NRG3: variants seen among roughly 807,000 people sequenced by gnomAD.
NRG3 encodes the protein pro-neuregulin-3, membrane-bound isoform.
A neutral mutation model predicts 66.9 loss-of-function variants in NRG3; 31 were observed. The observed-to-expected ratio is 0.46, with a 90% CI of 0.35 to 0.63. The LOEUF (loss-of-function observed/expected upper bound fraction) is 0.63. Ranked by LOEUF, NRG3 falls within the 20% of genes least tolerant of loss-of-function variation. The probability of loss-of-function intolerance (pLI) is 0.00; values close to 1 mark genes in which losing one functional copy is unlikely to be tolerated. For synonymous variants in NRG3, 393 were observed against 359.4 expected (o/e 1.09, Z -1.06); for missense variants, 910 against 878.9 (o/e 1.04, Z -0.45).
chr10:81,892,732 C>T (rs1027919093), intron 1 of NRG3, among the ~76,000 whole-genome samples: 3 of 151,960 alleles, frequency 2.0e-5, no homozygotes, highest in Non-Finnish European at 2.9e-5. Flanking sequence ...ATAGAAAGAA[C>T]GAGTAAGAGC....
chr10:82,892,578 A>G (rs2136131307), intron 4 of NRG3, among the ~76,000 whole-genome samples: 1 of 152,142 alleles, frequency 6.6e-6, no homozygotes, highest in South Asian at 2.1e-4. Flanking sequence ...AGGTGGAAAG[A>G]TTGCTTGAAC....
At chr10:82,502,104 T>A (rs79609752) in intron 2 of NRG3, among the ~76,000 whole-genome samples, 2,754 of 152,320 alleles carry the variant, frequency 0.018, 101 homozygotes, top group African/African-American at 0.063. Context: ...TAAGCATATG[T>A]CAAGAAATAT....
At chr10:82,582,603 A>G (rs968038) in intron 2 of NRG3, among the ~76,000 whole-genome samples, 13,472 of 152,004 alleles carry the variant, frequency 0.089, 656 homozygotes, top group East Asian at 0.15. Context: ...TACAACATAT[A>G]TCTGCATCTG....
At chr10:82,538,755 A>G (rs138244132) in intron 2 of NRG3, among the ~76,000 whole-genome samples, 2 of 152,314 alleles carry the variant, frequency 1.3e-5, no homozygotes, top group East Asian at 3.9e-4. Flanking sequence ...ATCTGAGATA[A>G]CAGAATCAGT....
At chr10:82,819,993 T>C (rs1046206618) in intron 3 of NRG3, among the ~76,000 whole-genome samples, 10 of 152,172 alleles carry the variant, frequency 6.6e-5, no homozygotes, top group Admixed American at 4.6e-4. Context: ...CCTTGAAAGA[T>C]GGAGAAACTC....
chr10:82,912,998 G>T (rs1022208010), intron 4 of NRG3, among the ~76,000 whole-genome samples: 9 of 152,178 alleles, frequency 5.9e-5, no homozygotes, highest in Admixed American at 1.3e-4. Flanking sequence ...GGCCGAGGCA[G>T]GTGGATCTCA....
At chr10:82,643,005 G>A (rs1284970044) in intron 2 of NRG3, among the ~76,000 whole-genome samples, 1 of 151,934 alleles carries the variant, frequency 6.6e-6, no homozygotes, top group African/African-American at 2.4e-5. Flanking sequence ...AGGGCGGAAG[G>A]TAGCCACAAG....
At chr10:82,091,400 A>C (rs137972694) in intron 1 of NRG3, among the ~76,000 whole-genome samples, 4 of 152,126 alleles carry the variant, frequency 2.6e-5, no homozygotes, top group Admixed American at 2.0e-4. Flanking sequence ...TAGGTAGCTC[A>C]TGTAAGTGTA....
At chr10:82,792,865 A>G (rs1434403590) in intron 3 of NRG3, among the ~76,000 whole-genome samples, 1 of 151,912 alleles carries the variant, frequency 6.6e-6, no homozygotes, top group East Asian at 1.9e-4. Context: ...TATTTTTAGT[A>G]GAGATGGGGT....
intron 4 of NRG3, among the ~76,000 whole-genome samples, chr10:82,870,954 A>G (rs1841288098): frequency 6.6e-6 from 1 of 152,110 alleles, no homozygotes; most frequent in Non-Finnish European, 1.5e-5. Context: ...TCTTCCTTTT[A>G]TGTATTGTGC....
intron 3 of NRG3, among the ~76,000 whole-genome samples, chr10:82,767,704 A>G (rs2059567664): frequency 1.3e-5 from 2 of 151,590 alleles, no homozygotes; most frequent in Admixed American, 1.3e-4. Context: ...CTAGTCTTTT[A>G]TTTATTCTTT....
intron 3 of NRG3, among the ~76,000 whole-genome samples, chr10:82,852,228 T>G (rs1367731032): frequency 6.6e-6 from 1 of 151,812 alleles, no homozygotes; most frequent in Non-Finnish European, 1.5e-5. Context: ...CACTCGTAAG[T>G]GGGAGTCGAA....
Position 82,153,395 on chromosome 10 carries a change from G to T in NRG3, c.824-205344G>T, listed in dbSNP as rs1358249342. Among the ~76,000 whole-genome samples the T allele has an allele frequency of 2.8e-5, 4 of 143,654 alleles. No homozygotes were observed. The South Asian group carries it at 6.8e-4, about 25-fold the overall frequency. The allele number at this position is 143,654 out of a possible 152,430, so 94.2% of individuals were successfully genotyped here. A position where few individuals can be genotyped will look rare whatever the true frequency, so the allele number is the denominator to read the frequency against. On this transcript the variant is annotated intron_variant, in intron 1 of 8. Transcript: ENST00000372141. Reference sequence around the variant, plus strand: ...TGACAGAATTTCTTTTTTGTGTAAGGCTATATAGTATTCCATTGTGTGTGT... The same window carrying T: ...TGACAGAATTTCTTTTTTGTGTAAGTCTATATAGTATTCCATTGTGTGTGT...
intron 4 of NRG3, among the ~76,000 whole-genome samples, chr10:82,924,735 A>G (rs889275766): frequency 6.6e-6 from 1 of 152,200 alleles, no homozygotes; most frequent in African/African-American, 2.4e-5. Context: ...CTTGGAAGGT[A>G]GGAGTAAGCT....
At chr10:82,291,766 T>C (rs2079762230) in intron 1 of NRG3, among the ~76,000 whole-genome samples, 1 of 152,018 alleles carries the variant, frequency 6.6e-6, no homozygotes, top group Non-Finnish European at 1.5e-5. Flanking sequence ...GGAAAAACAA[T>C]CAAACAAACA....
At position 81,875,867 on chromosome 10, in the gene NRG3, G is replaced by C; in HGVS notation, c.527G>C (p.Arg176Pro). Residue 176 changes from arginine (R) to proline (P), a missense_variant, in exon 1 of 9, where the codon CGG becomes CCG. Arg to Pro is a moderately radical substitution (Grantham distance 103). Transcript: ENST00000372141. The surrounding 1 kb of genome is among the most constrained non-coding windows in gnomAD (Gnocchi z 5.3). Reference protein sequence around the residue: ...TRFPGHRVPIRASPRSTTARN... With the variant: ...TRFPGHRVPIPASPRSTTARN... Reference sequence around the variant, plus strand: ...TTCCCCGGGCACCGGGTGCCCATCCGGGCCAGCCCGCGCTCCACCACAGCA... The same window carrying C: ...TTCCCCGGGCACCGGGTGCCCATCCCGGCCAGCCCGCGCTCCACCACAGCA... The C allele has an allele frequency of 1.2e-6, 2 of 1,610,506 alleles. No homozygotes were observed. The highest frequency in any genetic ancestry group is 1.7e-4 in the Middle Eastern group (1 of 6,060).
chr10:82,262,571 T>C (rs17099669), intron 1 of NRG3, among the ~76,000 whole-genome samples: 66,332 of 152,086 alleles, frequency 0.44, 16,670 homozygotes, highest in African/African-American at 0.7. Context: ...TACTGCTCTG[T>C]TCTCAGGGTT....
At chr10:82,322,951 C>T (rs576588122) in intron 1 of NRG3, among the ~76,000 whole-genome samples, 1 of 152,176 alleles carries the variant, frequency 6.6e-6, no homozygotes, top group East Asian at 1.9e-4. Context: ...AAAACAGTTC[C>T]GTCTGGCGTA....
chr10:82,111,373 A>G (rs2132244427), intron 1 of NRG3, among the ~76,000 whole-genome samples: 1 of 152,304 alleles, frequency 6.6e-6, no homozygotes, highest in East Asian at 1.9e-4. Flanking sequence ...AACCCTGATG[A>G]TAGATCATAC....
Sources: allele counts gnomAD v4.1 joint callset (sites outside exome capture counted in the v4.1 genomes callset), GRCh38; gene constraint gnomAD v4.1.1; non-coding constraint Gnocchi (gnomAD v3.1); transcripts MANE v1.5; gene names NCBI Gene and HGNC (gene_info 2026-07-23, HGNC 2026-07-21).